LDLRAD4: variants seen among roughly 807,000 people sequenced by gnomAD.
LDLRAD4 encodes the protein low density lipoprotein receptor class A domain containing 4.
Under a neutral mutation model 17.0 loss-of-function variants are expected in LDLRAD4, and 5 were observed. The observed-to-expected ratio is 0.29, with a 90% CI of 0.15 to 0.62. The LOEUF is 0.62. Ranked by LOEUF, LDLRAD4 falls within the 20% of genes least tolerant of loss-of-function variation. LDLRAD4 has a pLI of 0.84. For synonymous variants in LDLRAD4, 168 were observed against 171.8 expected, an observed-to-expected ratio of 0.98 and a Z score of 0.17; for missense variants, 340 against 424.7, an observed-to-expected ratio of 0.80 and a Z score of 1.75.
At chr18:13,606,034 C>G (rs1049145472) in intron 3 of LDLRAD4, among the ~76,000 whole-genome samples, 1 of 152,138 alleles carries the variant, frequency 6.6e-6, no homozygotes, top group Non-Finnish European at 1.5e-5. Flanking sequence ...CTCTGAGGAG[C>G]GAGGGTTGGA....
At chr18:13,498,942 CCTT>C (rs1287525206) in intron 3 of LDLRAD4, among the ~76,000 whole-genome samples, 1 of 148,746 alleles carries the variant, frequency 6.7e-6, no homozygotes, top group Non-Finnish European at 1.5e-5. Flanking sequence ...ACCGGAGAAT[CCTT>C]CTCGCCATAC....
At chr18:13,627,051 C>T (rs958145088) in intron 4 of LDLRAD4, among the ~76,000 whole-genome samples, 1 of 152,188 alleles carries the variant, frequency 6.6e-6, no homozygotes, top group South Asian at 2.1e-4. Flanking sequence ...GGGCAGATCA[C>T]TTGAGGTCAG....
At chr18:13,511,460 C>T (rs1183162373) in intron 3 of LDLRAD4, among the ~76,000 whole-genome samples, 1 of 152,054 alleles carries the variant, frequency 6.6e-6, no homozygotes, top group Non-Finnish European at 1.5e-5. Flanking sequence ...TGTAGTGAGC[C>T]GAGATCGTGC....
rs573515035 is a variant in LDLRAD4 at position 13,563,843 on chromosome 18, AC to A, written c.182-57269del. Among the ~76,000 whole-genome samples the A allele has an allele frequency of 5.0e-3, 759 of 152,186 alleles. 5 individuals are homozygous for A. The highest frequency in any genetic ancestry group is 0.017 in the African/African-American group (717 of 41,506). On this transcript the variant is annotated intron_variant, in intron 3 of 5. Coordinates refer to ENST00000359446, the Ensembl canonical transcript of LDLRAD4. ...CAGTGATTCTTGAGCTATGGTTTAA[AC>A]CCCCACAGCTAGGTTAGAGCTGGGC...
At chr18:13,530,913 C>T (rs1164433843) in intron 3 of LDLRAD4, among the ~76,000 whole-genome samples, 11 of 152,210 alleles carry the variant, frequency 7.2e-5, no homozygotes, top group South Asian at 2.1e-4. Flanking sequence ...TCCTGGGCAG[C>T]GAAACTTCAT....
intron 1 of LDLRAD4, among the ~76,000 whole-genome samples, chr18:13,318,265 ATCT>A (rs1291671631): frequency 1.3e-5 from 2 of 151,128 alleles, no homozygotes; most frequent in Admixed American, 6.6e-5. Context: ...TCATAGTGAA[ATCT>A]TTTTTTTTTT....
intron 3 of LDLRAD4, chr18:13,526,650 G>C (rs553536696): frequency 6.6e-6 from 1 of 152,206 alleles, no homozygotes; most frequent in Non-Finnish European, 1.5e-5. Context: ...AAAATAAAAT[G>C]TCAGTTCTAC....
chr18:13,602,832 T>A lies in LDLRAD4; in HGVS notation c.182-18285T>A, dbSNP rs1158472351. Among the ~76,000 whole-genome samples, 3 of 152,070 alleles carry A rather than the reference T, an allele frequency of 2.0e-5. No individual in the cohort carries two copies. The East Asian group carries it at 5.8e-4, about 29-fold the overall frequency. The stretch of plus-strand genomic sequence containing the variant: ...TTTGTCATTTCAGTACTTTTTCAAG[T>A]CACAAATAAGTAAAATATTGAACTA... On this transcript the variant is annotated intron_variant, in intron 3 of 5. Coordinates refer to ENST00000359446, the Ensembl canonical transcript of LDLRAD4.
chr18:13,239,730 G>T (rs1197536861), intron 1 of LDLRAD4: 1 of 152,328 alleles, frequency 6.6e-6, no homozygotes, highest in African/African-American at 2.4e-5. Context: ...TGCCCTGGCT[G>T]TCCTTGGCGG....
chr18:13,557,165 G>T (rs1170840361), intron 3 of LDLRAD4, among the ~76,000 whole-genome samples: 1 of 152,050 alleles, frequency 6.6e-6, no homozygotes, highest in African/African-American at 2.4e-5. Context: ...AGGCATCATG[G>T]CACATGCCCA....
At chr18:13,310,063 G>C (rs1180587072) in intron 1 of LDLRAD4, among the ~76,000 whole-genome samples, 1 of 152,016 alleles carries the variant, frequency 6.6e-6, no homozygotes, top group African/African-American at 2.4e-5. Context: ...ATTGAACCTC[G>C]GCATGGTGTC....
chr18:13,643,300 G>A, intron 4 of LDLRAD4, 59 bp from the exon 6 acceptor site: 1 of 1,102,492 alleles, frequency 9.1e-7, no homozygotes. Context: ...GTGCGGCGGG[G>A]CTAATGATTT....
chr18:13,312,239 AT>A (rs1364280455), intron 1 of LDLRAD4, among the ~76,000 whole-genome samples: 2 of 152,338 alleles, frequency 1.3e-5, no homozygotes, highest in Non-Finnish European at 2.9e-5. Flanking sequence ...ATCATTAATA[AT>A]ATTGTATAAA....
intron 1 of LDLRAD4, among the ~76,000 whole-genome samples, chr18:13,229,000 G>C (rs1327135822): frequency 6.6e-6 from 1 of 152,206 alleles, no homozygotes; most frequent in Non-Finnish European, 1.5e-5. Flanking sequence ...TCATCCTTTG[G>C]TTGCTGTAAC....
chr18:13,224,556 TG>T (rs1340633377), intron 1 of LDLRAD4, among the ~76,000 whole-genome samples: 1 of 128,862 alleles, frequency 7.8e-6, no homozygotes, highest in Non-Finnish European at 1.6e-5. Flanking sequence ...CTCGGCCCAC[TG>T]TAAGCTCTGC....
chr18:13,545,154 G>A (rs916533748), intron 3 of LDLRAD4, among the ~76,000 whole-genome samples: 3 of 152,004 alleles, frequency 2.0e-5, no homozygotes, highest in African/African-American at 7.3e-5. Flanking sequence ...TGATTGCAGG[G>A]GATCTCTGGG....
chr18:13,606,048 G>A (rs968159592), intron 3 of LDLRAD4, among the ~76,000 whole-genome samples: 3 of 152,132 alleles, frequency 2.0e-5, no homozygotes, highest in East Asian at 3.9e-4. Flanking sequence ...GGTTGGATGC[G>A]TTATTTCATC....
chr18:13,643,303 A>C (rs1048785305), intron 4 of LDLRAD4, 56 bp from the exon 6 acceptor site: 21 of 1,139,640 alleles, frequency 1.8e-5, no homozygotes, highest in Non-Finnish European at 2.6e-5. Context: ...CGGCGGGGCT[A>C]ATGATTTTCC....
At chr18:13,350,293 T>C (rs1162034083) in intron 1 of LDLRAD4, among the ~76,000 whole-genome samples, 1 of 152,212 alleles carries the variant, frequency 6.6e-6, no homozygotes, top group Non-Finnish European at 1.5e-5. Context: ...CAGTATCTTA[T>C]TGTTATTTGA....
Sources: gnomAD v4.1 joint callset for allele counts (sites outside exome capture counted in the v4.1 genomes callset) on GRCh38, gnomAD v4.1.1 for gene constraint, MANE v1.5 for transcripts, NCBI Gene and HGNC (gene_info 2026-07-23, HGNC 2026-07-21) for gene names.